The following TAFA4 variants were observed in gnomAD, a reference collection of about 807,000 sequenced individuals.
TAFA4 encodes the protein chemokine-like protein TAFA-4.
A neutral mutation model predicts 21.1 loss-of-function variants in TAFA4; 20 were observed. The observed-to-expected ratio is 0.95, with a 90% confidence interval of 0.67 to 1.38. TAFA4 has a LOEUF of 1.38. TAFA4 is among the 40% of genes most tolerant of loss of function. The pLI, the probability that TAFA4 is intolerant of heterozygous loss-of-function variation, is 0.00. For missense variants in TAFA4, 211 were observed against 180.9 expected, an observed-to-expected ratio of 1.17 and a Z score of -0.95; for synonymous variants, 71 against 67.4, an observed-to-expected ratio of 1.05 and a Z score of -0.26.
chr3:68,769,612 G>C (rs1447708051), intron 3 of TAFA4, among the ~76,000 whole-genome samples: 1 of 152,114 alleles, frequency 6.6e-6, no homozygotes, highest in Non-Finnish European at 1.5e-5. Flanking sequence ...TGAGGTGGTG[G>C]ATACGCTACC....
At chr3:68,819,106 C>A (rs1219081036) in intron 3 of TAFA4, among the ~76,000 whole-genome samples, 1 of 152,044 alleles carries the variant, frequency 6.6e-6, no homozygotes, top group Non-Finnish European at 1.5e-5. Flanking sequence ...AAGCCCATCT[C>A]TACAAAAACT....
chr3:68,781,546 A>C (rs1377149967), intron 3 of TAFA4, among the ~76,000 whole-genome samples: 4 of 152,078 alleles, frequency 2.6e-5, no homozygotes, highest in African/African-American at 9.6e-5. Flanking sequence ...CCTGAAAAAC[A>C]AACTACCAAA....
At chr3:68,864,368 G>A (rs1015092865) in intron 3 of TAFA4, among the ~76,000 whole-genome samples, 2 of 152,072 alleles carry the variant, frequency 1.3e-5, no homozygotes, top group Non-Finnish European at 1.5e-5. Context: ...TAGCCATTAG[G>A]TTCATGCAAA....
chr3:68,760,161 A>G (rs894976683), intron 3 of TAFA4, among the ~76,000 whole-genome samples: 1 of 152,222 alleles, frequency 6.6e-6, no homozygotes, highest in Admixed American at 6.5e-5. Context: ...CACCATTAAA[A>G]GTGTTATGAT....
At chr3:68,892,378 T>C (rs2089738379) in intron 1 of TAFA4, among the ~76,000 whole-genome samples, 1 of 152,202 alleles carries the variant, frequency 6.6e-6, no homozygotes, top group African/African-American at 2.4e-5. Context: ...ATTTCAAGTG[T>C]TACCAATACC....
intron 3 of TAFA4, among the ~76,000 whole-genome samples, chr3:68,869,221 T>A (rs553217136): frequency 6.6e-6 from 1 of 152,050 alleles, no homozygotes; most frequent in South Asian, 2.1e-4. Context: ...TCATAAAGCA[T>A]CTCCCATCAA....
At chr3:68,836,617 T>TACTA (rs1387842913) in intron 3 of TAFA4, among the ~76,000 whole-genome samples, 2 of 152,226 alleles carry the variant, frequency 1.3e-5, no homozygotes, top group Non-Finnish European at 2.9e-5. Flanking sequence ...TTCCAGGAAC[T>TACTA]CTTATAGGTA....
intron 3 of TAFA4, among the ~76,000 whole-genome samples, chr3:68,812,283 C>A (rs535697517): frequency 6.6e-6 from 1 of 152,066 alleles, no homozygotes; most frequent in African/African-American, 2.4e-5. Context: ...GCAAAATAAC[C>A]AGCTAACATC....
intron 4 of TAFA4, among the ~76,000 whole-genome samples, chr3:68,747,158 A>G (rs1238723704): frequency 1.3e-5 from 2 of 152,154 alleles, no homozygotes; most frequent in Non-Finnish European, 1.5e-5. Flanking sequence ...GATAAACACC[A>G]TGCTACCTCT....
intron 4 of TAFA4, among the ~76,000 whole-genome samples, chr3:68,747,019 A>AG (rs991319394): frequency 5.3e-5 from 8 of 152,162 alleles, no homozygotes; most frequent in Non-Finnish European, 1.2e-4. Context: ...AATATCCCCA[A>AG]GGGGGCAAAA....
At chr3:68,859,973 T>C (rs1246765131) in intron 3 of TAFA4, among the ~76,000 whole-genome samples, 1 of 152,108 alleles carries the variant, frequency 6.6e-6, no homozygotes, top group Non-Finnish European at 1.5e-5. Flanking sequence ...GTACCTGAGA[T>C]TTTAGGAAGT....
chr3:68,738,001 A>T (rs1702275114), intron 5 of TAFA4, among the ~76,000 whole-genome samples: 1 of 152,200 alleles, frequency 6.6e-6, no homozygotes, highest in South Asian at 2.1e-4. Context: ...GCAAAAACAA[A>T]GCCAGGGCCC....
At chr3:68,740,094 G>A (rs1283767476) in intron 4 of TAFA4, among the ~76,000 whole-genome samples, 3 of 152,148 alleles carry the variant, frequency 2.0e-5, no homozygotes, top group Non-Finnish European at 4.4e-5. Context: ...CCATTGTCTA[G>A]ATTACACTAG....
chr3:68,793,517 T>C (rs1703402503), intron 3 of TAFA4, among the ~76,000 whole-genome samples: 2 of 152,314 alleles, frequency 1.3e-5, no homozygotes, highest in Admixed American at 6.5e-5. Context: ...GAAAGCTAAA[T>C]TGCAAAAATG....
chr3:68,738,866 C>A (rs904998598), intron 5 of TAFA4, among the ~76,000 whole-genome samples: 52 of 152,158 alleles, frequency 3.4e-4, no homozygotes, highest in Admixed American at 3.4e-3. Context: ...ATAATGAATT[C>A]TCCCACCAAA....
chr3:68,761,834 G>A (rs1226105626), intron 3 of TAFA4, among the ~76,000 whole-genome samples: 27 of 152,196 alleles, frequency 1.8e-4, no homozygotes. Flanking sequence ...GAGGTAGGAA[G>A]AAGAGGTTGG....
chr3:68,894,114 C>T (rs2089759865), intron 1 of TAFA4, among the ~76,000 whole-genome samples: 1 of 150,736 alleles, frequency 6.6e-6, no homozygotes, highest in Non-Finnish European at 1.5e-5. Context: ...TAAATGCAGG[C>T]TTAATGGGAT....
intron 3 of TAFA4, among the ~76,000 whole-genome samples, chr3:68,778,439 C>T (rs184071772): frequency 1.5e-4 from 23 of 152,232 alleles, no homozygotes; most frequent in East Asian, 7.7e-4. Flanking sequence ...TAGACAAGCA[C>T]GCAATTACAG....
chr3:68,921,961 CAT>C (rs2090064424), intron 1 of TAFA4, among the ~76,000 whole-genome samples: 1 of 152,168 alleles, frequency 6.6e-6, no homozygotes, highest in Non-Finnish European at 1.5e-5. Flanking sequence ...AACGTCAAGA[CAT>C]TATCAAAATC....
Sources: allele counts gnomAD v4.1 joint callset (sites outside exome capture counted in the v4.1 genomes callset), GRCh38; gene constraint gnomAD v4.1.1; transcripts MANE v1.5; gene names NCBI Gene and HGNC (gene_info 2026-07-23, HGNC 2026-07-21).